The following HDC variants were observed in gnomAD, a reference collection of about 807,000 sequenced individuals.
HDC encodes histidine decarboxylase.
In HDC, 27 loss-of-function variants were observed where a neutral mutation model predicts 64.4. The ratio of observed to expected loss-of-function variants is 0.42; its 90% CI spans 0.31 to 0.58. The LOEUF (loss-of-function observed/expected upper bound fraction) is 0.58. HDC is among the 20% of genes least tolerant of loss of function. The probability of loss-of-function intolerance (pLI) is 0.16; values close to 1 mark genes in which losing one functional copy is unlikely to be tolerated. For synonymous variants in HDC, 305 were observed against 314.2 expected, an observed-to-expected ratio of 0.97 and a Z score of 0.31; for missense variants, 711 against 833.9, an observed-to-expected ratio of 0.85 and a Z score of 1.81.
chr15:50,250,404 C>T (rs1595703798), intron 9 of HDC, among the ~76,000 whole-genome samples: 1 of 152,244 alleles, frequency 6.6e-6, no homozygotes. Context: ...AAGTGTAAGG[C>T]AGTGCCTTCT....
rs762858668 is a variant in HDC at position 50,252,593 on chromosome 15, G to T, written c.950+19C>A. 2 of 1,614,190 alleles carry T rather than the reference G, an allele frequency of 1.2e-6. No individual in the cohort carries two copies. On this transcript the variant is annotated intron_variant, in intron 8 of 11. Coordinates refer to ENST00000267845, the MANE Select transcript of HDC (RefSeq NM_002112.4). Reference sequence around the variant, plus strand: ...GGCAAGGCGTTCCTGCGTGCTCGGAGCTGGGCTGCTACACTCACCAGAACC... The same window carrying T: ...GGCAAGGCGTTCCTGCGTGCTCGGATCTGGGCTGCTACACTCACCAGAACC...
chr15:50,248,241 A>G lies in HDC; in HGVS notation c.1140+4T>C. ...CTCAGCCCCCACAGCAGCATGCTAC[A>G]TACATGTCTGACATGTGCTTGAAGA... is the stretch of plus-strand genomic sequence containing the variant. On this transcript the variant is annotated splice_donor_region_variant and intron_variant, in intron 10 of 11. Transcript: ENST00000267845. This position sits in a 1 kb window ranked among gnomAD's most constrained non-coding sequence, Gnocchi z 4.3. The G allele has an allele frequency of 5.0e-6, 8 of 1,587,182 alleles. No homozygotes were observed. Among genetic ancestry groups the G allele is most frequent in the Non-Finnish European group, 6.9e-6 (8 of 1,155,336 alleles).
At chr15:50,253,491 A>T in intron 7 of HDC, 109 bp downstream of exon 7, 2 of 1,015,266 alleles carry the variant, frequency 2.0e-6, no homozygotes, top group African/African-American at 3.1e-5. Flanking sequence ...CTCTGCATTG[A>T]CCAAAGAGGA....
chr15:50,247,398 T>G (rs1400990715), intron 10 of HDC, among the ~76,000 whole-genome samples: 1 of 152,158 alleles, frequency 6.6e-6, no homozygotes, highest in Non-Finnish European at 1.5e-5. Flanking sequence ...ATTATTTTTT[T>G]TAAATGTTAA....
chr15:50,245,073 G>A (rs1462708174), intron 10 of HDC: 1 of 152,360 alleles, frequency 6.6e-6, no homozygotes, highest in African/African-American at 2.4e-5. Flanking sequence ...GAGGTCAGGG[G>A]AGAGGAGAAT....
At chr15:50,255,011 A>G (rs2045612160) in intron 4 of HDC, among the ~76,000 whole-genome samples, 1 of 152,186 alleles carries the variant, frequency 6.6e-6, no homozygotes, top group African/African-American at 2.4e-5. Context: ...ATTTAAAAGA[A>G]GAACTCTCAG....
Position 50,257,611 on chromosome 15 carries a change from C to T in HDC, c.319-64G>A, listed in dbSNP as rs2045650069. 5.6e-6 allele frequency: 9 copies of T among 1,593,462 alleles called. No homozygotes were observed. The South Asian group carries it at 1.0e-4, about 18-fold the overall frequency. On this transcript the variant is annotated intron_variant, in intron 3 of 11. Coordinates refer to ENST00000267845, the MANE Select transcript of HDC (RefSeq NM_002112.4). ...GGGCACTGAGGTGCCCCCACGAGCT[C>T]CAGAAACATGTCTGCCCCTGATGGT...
chr15:50,249,210 C>A (rs2045521804), intron 9 of HDC, among the ~76,000 whole-genome samples: 1 of 152,146 alleles, frequency 6.6e-6, no homozygotes, highest in Admixed American at 6.5e-5. Flanking sequence ...TTGCAGTCAC[C>A]ATACATCTGA....
intron 9 of HDC, among the ~76,000 whole-genome samples, chr15:50,251,758 G>T (rs2045557392): frequency 6.6e-6 from 1 of 151,894 alleles, no homozygotes; most frequent in Non-Finnish European, 1.5e-5. Flanking sequence ...CTTGAACCTG[G>T]AAGGCGGAGG....
At chr15:50,262,396 G>A (rs757950762) in intron 2 of HDC, among the ~76,000 whole-genome samples, 3 of 152,194 alleles carry the variant, frequency 2.0e-5, no homozygotes, top group Non-Finnish European at 4.4e-5. Flanking sequence ...TAGATAGCAT[G>A]TCATGTGGCC....
At position 50,242,913 on chromosome 15, in the gene HDC, T is replaced by C. The variant is rs1483668327; in HGVS notation, c.1336A>G (p.Ile446Val). The change falls in exon 12 of 12, where the codon ATC (isoleucine) becomes GTC (valine). Residue 446 changes from isoleucine to valine, a missense_variant. Physicochemically the swap from Ile to Val is conservative, Grantham distance 29. Transcript: ENST00000267845. ...AACTGGGATGTCACAGTGAAACGGA[T>C]GATTAACTTGTCCTGGATAGTGGCC... is the stretch of plus-strand genomic sequence containing the variant. ...IPATIQDKLI[I>V]RFTVTSQFTT... 6.2e-7 allele frequency: 1 copy of C among 1,614,014 alleles called. No individual in the cohort carries two copies. The highest frequency in any genetic ancestry group is 1.3e-5 in the African/African-American group (1 of 74,912).
chr15:50,255,423 A>G (rs1436978822), intron 4 of HDC, among the ~76,000 whole-genome samples: 2 of 152,180 alleles, frequency 1.3e-5, no homozygotes, highest in East Asian at 3.8e-4. Flanking sequence ...TGTCATGGAG[A>G]GTGGTGTGGA....
In HDC at chr15:50,248,473, T is replaced by C. The variant is rs181056262; in HGVS notation, c.1042-130A>G. On this transcript the variant is annotated intron_variant, in intron 9 of 11. Coordinates refer to ENST00000267845, the MANE Select transcript of HDC (RefSeq NM_002112.4). This position sits in a 1 kb window ranked among gnomAD's most constrained non-coding sequence, Gnocchi z 4.3. ...ACGATGTCACCATGACTCTGGGAGC[T>C]GTTGCTAAGGAGTAAGCCAAGCTCC... 1 of 720,808 alleles carries C rather than the reference T, an allele frequency of 1.4e-6. No homozygotes were observed. Among genetic ancestry groups the C allele is most frequent in the East Asian group, 2.7e-5 (1 of 36,728 alleles). 44.7% of individuals were successfully genotyped at this position (720,808 alleles called of 1,614,324 possible).
chr15:50,245,388 G>A (rs764634270), intron 10 of HDC, among the ~76,000 whole-genome samples: 6 of 152,092 alleles, frequency 3.9e-5, no homozygotes, highest in Non-Finnish European at 8.8e-5. Flanking sequence ...TAGGTGATAG[G>A]AGATGAGGAT....
At chr15:50,255,857 A>G (rs16963517) in intron 4 of HDC, among the ~76,000 whole-genome samples, 4,559 of 152,282 alleles carry the variant, frequency 0.03, 88 homozygotes, top group African/African-American at 0.051. Context: ...CATAGTTTAC[A>G]AAACACTTTC....
At chr15:50,245,625 T>C (rs1350525226) in intron 10 of HDC, among the ~76,000 whole-genome samples, 1 of 152,190 alleles carries the variant, frequency 6.6e-6, no homozygotes, top group Non-Finnish European at 1.5e-5. Context: ...CCAGGGGTGG[T>C]GGCTCATGCC....
At chr15:50,260,023 CTTTT>C (rs141659908) in intron 2 of HDC, among the ~76,000 whole-genome samples, 6 of 142,558 alleles carry the variant, frequency 4.2e-5, no homozygotes, top group Non-Finnish European at 4.6e-5. Context: ...GAGATTCATT[CTTTT>C]TTTTTTTTTT....
intron 9 of HDC, among the ~76,000 whole-genome samples, chr15:50,252,052 C>T (rs1260486215): frequency 6.6e-6 from 1 of 152,118 alleles, no homozygotes; most frequent in African/African-American, 2.4e-5. Flanking sequence ...GCTCTTTCCC[C>T]ACCAGGGAAA....
chr15:50,248,395 C>A lies in HDC; in HGVS notation c.1042-52G>T. 1.6e-6 allele frequency: 2 copies of A among 1,290,240 alleles called. No homozygotes were observed. The highest frequency in any genetic ancestry group is 2.2e-6 in the Non-Finnish European group (2 of 889,540). The allele number at this position is 1,290,240 out of a possible 1,614,324, so 79.9% of individuals were successfully genotyped here. A position where few individuals can be genotyped will look rare whatever the true frequency, so the allele number is the denominator to read the frequency against. ...AGGTTAGAGACAAGGGTGCCCCACTCCCTCGGGCATTTCTGGGCATTATCT... is the reference window on the plus strand; with the variant it reads ...AGGTTAGAGACAAGGGTGCCCCACTACCTCGGGCATTTCTGGGCATTATCT... On this transcript the variant is annotated intron_variant, in intron 9 of 11. Transcript: ENST00000267845. The surrounding 1 kb of genome is among the most constrained non-coding windows in gnomAD (Gnocchi z 4.3).
Sources: allele counts gnomAD v4.1 joint callset (sites outside exome capture counted in the v4.1 genomes callset), GRCh38; gene constraint gnomAD v4.1.1; non-coding constraint Gnocchi (gnomAD v3.1); transcripts MANE v1.5; gene names NCBI Gene and HGNC (gene_info 2026-07-23, HGNC 2026-07-21).